Variants in PRH1 observed in about 807,000 individuals in gnomAD.
The protein encoded by PRH1 is salivary acidic proline-rich phosphoprotein 1/2.
A neutral mutation model predicts 7.9 loss-of-function variants in PRH1; 7 were observed. That is an observed-to-expected ratio of 0.89 (90% CI 0.50 to 1.67). The LOEUF (loss-of-function observed/expected upper bound fraction) is 1.67. PRH1 is among the 40% of genes most tolerant of loss of function. PRH1 has a pLI of 0.00. For synonymous variants in PRH1, 45 were observed against 80.8 expected (o/e 0.56, Z 2.38); for missense variants, 109 against 223.6 (o/e 0.49, Z 3.27).
chr12:11,067,355 T>C (rs1943868547), intron 1 of PRH1, among the ~76,000 whole-genome samples: 2 of 152,200 alleles, frequency 1.3e-5, no homozygotes, highest in South Asian at 4.1e-4. Context: ...AATAGGTCTA[T>C]ATATTTAACC....
At chr12:11,165,871 A>G (rs1016903155) in intron 1 of PRH1, among the ~76,000 whole-genome samples, 3 of 152,248 alleles carry the variant, frequency 2.0e-5, no homozygotes, top group Non-Finnish European at 4.4e-5. Flanking sequence ...CCACACATGC[A>G]CTATAGAGAA....
At chr12:10,967,369 G>T (rs1938557777) in intron 2 of PRH1, among the ~76,000 whole-genome samples, 2 of 152,098 alleles carry the variant, frequency 1.3e-5, no homozygotes, top group Admixed American at 6.5e-5. Context: ...ACTTAGAAAT[G>T]AGTCAAAATA....
intron 2 of PRH1, among the ~76,000 whole-genome samples, chr12:10,945,810 C>T (rs545546189): frequency 1.6e-3 from 240 of 152,210 alleles, no homozygotes; most frequent in Non-Finnish European, 2.3e-3. Flanking sequence ...GTCCCCAAAG[C>T]GGCCATTTCA....
At chr12:11,129,922 A>G (rs1036793504) in intron 1 of PRH1, among the ~76,000 whole-genome samples, 12 of 152,368 alleles carry the variant, frequency 7.9e-5, no homozygotes, top group African/African-American at 2.9e-4. Flanking sequence ...AGGCCGACAC[A>G]GGCAGATCAC....
chr12:11,109,903 A>T (rs1420640018), intron 1 of PRH1, among the ~76,000 whole-genome samples: 2 of 152,194 alleles, frequency 1.3e-5, no homozygotes, highest in Non-Finnish European at 2.9e-5. Flanking sequence ...ACCCAATGCA[A>T]GGGAGCCAAG....
chr12:10,932,136 T>C (rs1040080457), intron 2 of PRH1: 1 of 362,948 alleles, frequency 2.8e-6, no homozygotes, highest in African/African-American at 2.0e-5. Flanking sequence ...AAGGATGGTT[T>C]TGCATCTTCC....
rs1184830250 is a variant in PRH1, at chr12:11,147,243, T to C, written n.39+24179A>G. ...CTCACTCCAGTTGCCCAGGCTGGAG[T>C]GCAGTGGCACGATCTCGGCTCACTG... On this transcript the variant is annotated intron_variant and non_coding_transcript_variant, in intron 1 of 1. Coordinates refer to the PRH1 transcript ENST00000541175. 5.9e-5 allele frequency among the ~76,000 whole-genome samples: 9 copies of C among 152,256 alleles called. No individual in the cohort carries two copies. The East Asian group carries it at 1.7e-3, about 29-fold the overall frequency.
Position 11,090,103 on chromosome 12 carries a change from G to T in PRH1, n.124-42915C>A, listed in dbSNP as rs1200779248. 8.6e-5 allele frequency among the ~76,000 whole-genome samples: 10 copies of T among 116,262 alleles called. 2 individuals carry two copies. The highest frequency in any genetic ancestry group is 4.2e-4 in the East Asian group (2 of 4,744). The allele number at this position is 116,262 out of a possible 152,430, so 76.3% of individuals were successfully genotyped here. Reference sequence around the variant, plus strand: ...TTAATGAACGTAATAGAATTTAGCTGTGAACAGGACTGTACATTTCTTTCT... The same window carrying T: ...TTAATGAACGTAATAGAATTTAGCTTTGAACAGGACTGTACATTTCTTTCT... On this transcript the variant is annotated intron_variant and non_coding_transcript_variant, in intron 1 of 4. Transcript: ENST00000541977.
At chr12:11,070,993 T>C (rs1241581388) in intron 1 of PRH1, among the ~76,000 whole-genome samples, 3 of 128,378 alleles carry the variant, frequency 2.3e-5, no homozygotes, top group Admixed American at 7.8e-5. Flanking sequence ...ATTTTTATTA[T>C]TATTTTCTCT....
chr12:11,137,277 T>C (rs1255886121), intron 1 of PRH1, among the ~76,000 whole-genome samples: 1 of 152,184 alleles, frequency 6.6e-6, no homozygotes, highest in East Asian at 1.9e-4. Flanking sequence ...CTTTAAAAGA[T>C]CAAAGAGTAA....
At chr12:10,914,525 G>C (rs1949946752) in intron 2 of PRH1, among the ~76,000 whole-genome samples, 2 of 152,210 alleles carry the variant, frequency 1.3e-5, no homozygotes, top group African/African-American at 4.8e-5. Context: ...AGATGTCCTT[G>C]CAGAAGTATC....
At chr12:10,974,902 T>C (rs762716846) in intron 1 of PRH1, among the ~76,000 whole-genome samples, 10 of 151,868 alleles carry the variant, frequency 6.6e-5, no homozygotes, top group Non-Finnish European at 1.2e-4. Flanking sequence ...AGGAATGCAA[T>C]AAAATGATGC....
At chr12:10,983,443 C>T (rs1054700741) in intron 1 of PRH1, among the ~76,000 whole-genome samples, 5 of 152,196 alleles carry the variant, frequency 3.3e-5, no homozygotes, top group Non-Finnish European at 7.3e-5. Context: ...ACTGTCTTCT[C>T]TTTTCTTGGT....
At chr12:11,034,683 G>A (rs1055442026) in intron 1 of PRH1, 1 of 151,854 alleles carries the variant, frequency 6.6e-6, no homozygotes, top group African/African-American at 2.4e-5. Flanking sequence ...GTAAGGCTGG[G>A]GCAGGAGCAC....
At chr12:10,886,136 T>G (rs1949488689), upstream of PRH1, among the ~76,000 whole-genome samples, 1 of 152,190 alleles carries the variant, frequency 6.6e-6, no homozygotes, top group African/African-American at 2.4e-5. Flanking sequence ...AGTAGTTGCT[T>G]GAGCCCAGCA....
intron 1 of PRH1, among the ~76,000 whole-genome samples, chr12:11,033,456 G>A (rs927480098): frequency 6.6e-6 from 1 of 152,176 alleles, no homozygotes; most frequent in African/African-American, 2.4e-5. Context: ...TAGTTTTGAA[G>A]GGTCTTCTCC....
At chr12:10,914,997 G>A (rs541180846) in intron 2 of PRH1, among the ~76,000 whole-genome samples, 17 of 152,114 alleles carry the variant, frequency 1.1e-4, no homozygotes, top group Admixed American at 8.5e-4. Context: ...GCATGGTGGC[G>A]GGCACCTGTA....
chr12:11,171,251 G>C (rs1164611096), intron 1 of PRH1: 2 of 719,272 alleles, frequency 2.8e-6, no homozygotes, highest in Non-Finnish European at 1.9e-6. Flanking sequence ...GTGAGCCCGG[G>C]AGCCGCTTTG....
At chr12:11,022,201 C>T (rs772046457) in intron 1 of PRH1, 3 of 1,613,996 alleles carry the variant, frequency 1.9e-6, no homozygotes, top group African/African-American at 2.7e-5. Flanking sequence ...ACTCTTAATT[C>T]TCTTCTTTAG....
Sources: gnomAD v4.1 joint callset for allele counts (sites outside exome capture counted in the v4.1 genomes callset) on GRCh38, gnomAD v4.1.1 for gene constraint, MANE v1.5 for transcripts, NCBI Gene and HGNC (gene_info 2026-07-23, HGNC 2026-07-21) for gene names.